Variants in TRIM49B observed in about 807,000 individuals in gnomAD.
TRIM49B encodes the protein tripartite motif containing 49B, also known as putative tripartite motif-containing protein 49B.
Under a neutral mutation model 31.8 loss-of-function variants are expected in TRIM49B, and 18 were observed. That is an observed-to-expected ratio of 0.57 (90% CI 0.39 to 0.84). The LOEUF is 0.84. Among genes scored for constraint, TRIM49B ranks in the 40% least tolerant of loss-of-function variants. The pLI is 0.00. For synonymous variants in TRIM49B, 196 were observed against 180.6 expected (o/e 1.09, Z -0.68); for missense variants, 494 against 538.7 (o/e 0.92, Z 0.82).
In TRIM49B at chr11:49,036,287, G is replaced by A. The variant is rs7118470; in HGVS notation, c.762-14G>A. On this transcript the variant is annotated splice_polypyrimidine_tract_variant and intron_variant, in intron 5 of 6. Transcript: ENST00000332682. ...ATGGCTGTAGATGTTGTAACTGCAG[G>A]TTTTTCCTTGCAGGAGTGAGTCCGT... The A allele has an allele frequency of 3.4e-3, 5,307 of 1,545,018 alleles. 145 individuals are homozygous for A. In the African/African-American group the frequency reaches 0.066, roughly 19 times the overall value.
chr11:49,035,688 C>T (rs533166442), intron 5 of TRIM49B, among the ~76,000 whole-genome samples: 1 of 152,134 alleles, frequency 6.6e-6, no homozygotes, highest in Admixed American at 6.5e-5. Context: ...TGAAAGCCTG[C>T]ACAGGAGAAA....
intron 1 of TRIM49B, among the ~76,000 whole-genome samples, 187 bp from the exon 2 acceptor site, chr11:49,031,409 T>C (rs1002994524): frequency 2.0e-5 from 3 of 152,204 alleles, no homozygotes; most frequent in Non-Finnish European, 4.4e-5. Flanking sequence ...TAGTTAGTAA[T>C]ATCTGTTATA....
intron 1 of TRIM49B, among the ~76,000 whole-genome samples, chr11:49,029,324 G>A (rs971089566): frequency 1.3e-5 from 2 of 152,092 alleles, no homozygotes; most frequent in African/African-American, 4.8e-5. Flanking sequence ...AATGAATGAT[G>A]AGGTTATTTG....
At chr11:49,032,087 A>G in intron 2 of TRIM49B, 77 bp downstream of exon 2, 1 of 1,609,442 alleles carries the variant, frequency 6.2e-7, no homozygotes, top group South Asian at 1.1e-5. Context: ...TGGAGATTGG[A>G]TAAAACAAAC....
At position 49,034,318 on chromosome 11, in the gene TRIM49B, G is replaced by T; in HGVS notation, c.680G>T (p.Arg227Ile). Residue 227 changes from arginine (R) to isoleucine (I), a missense_variant, in exon 4 of 7, where the codon AGA becomes ATA. Arg to Ile is a moderately conservative substitution (Grantham distance 97). Around this residue, in one of 3 missense-constraint regions of TRIM49B, gnomAD observed 233 missense variants for 281.4 expected, o/e 0.83. Transcript: ENST00000332682. ...ATGGCTCATAGGAGGGAGATTTTAA[G>T]AGGAATGTATGAGGAGCTGAACGAA... is the stretch of plus-strand genomic sequence containing the variant. ...AKMAHRREIL[R>I]GMYEELNEMC... 1 of 1,611,990 alleles carries T rather than the reference G, an allele frequency of 6.2e-7. No individual in the cohort carries two copies. The highest frequency in any genetic ancestry group is 8.5e-7 in the Non-Finnish European group (1 of 1,179,834).
rs1192805924 is a variant in TRIM49B, at chr11:49,032,151, G to A, written c.412-125G>A. The stretch of plus-strand genomic sequence containing the variant: ...GGCTTTCTTAGCTTCCAACCTCTGG[G>A]CTTTGACAAACATGAAGGGAAACAA... On this transcript the variant is annotated intron_variant, in intron 2 of 6. Coordinates refer to ENST00000332682, the MANE Select transcript of TRIM49B (RefSeq NM_001206626.2). 7 of 1,593,392 alleles carry A rather than the reference G, an allele frequency of 4.4e-6. No individual in the cohort carries two copies. In the African/African-American group the frequency reaches 5.4e-5, roughly 12 times the overall value.
intron 4 of TRIM49B, 48 bp downstream of exon 4, chr11:49,034,424 A>G (rs763675972): frequency 6.2e-7 from 1 of 1,611,858 alleles, no homozygotes; most frequent in Non-Finnish European, 8.5e-7. Context: ...TCACATGTAT[A>G]AGTATTTTCC....
intron 5 of TRIM49B, 87 bp from the exon 6 acceptor site, chr11:49,036,214 T>G (rs941638415): frequency 4.4e-6 from 7 of 1,584,080 alleles, no homozygotes; most frequent in Non-Finnish European, 6.0e-6. Flanking sequence ...ATTCAAAGGA[T>G]TCTCATGAAA....
intron 6 of TRIM49B, 52 bp from the exon 7 acceptor site, chr11:49,037,426 A>G (rs947519369): frequency 1.9e-6 from 3 of 1,541,226 alleles, no homozygotes; most frequent in Non-Finnish European, 1.7e-6. Flanking sequence ...TTGATAGACA[A>G]TTATTTTTTT....
intron 3 of TRIM49B, among the ~76,000 whole-genome samples, chr11:49,033,670 C>T (rs1316139619): frequency 6.6e-6 from 1 of 152,078 alleles, no homozygotes; most frequent in Non-Finnish European, 1.5e-5. Context: ...CAAAGATGGC[C>T]AAATCATAAA....
At chr11:49,035,638 G>A (rs906864906) in intron 5 of TRIM49B, among the ~76,000 whole-genome samples, 12 of 152,024 alleles carry the variant, frequency 7.9e-5, no homozygotes, top group Non-Finnish European at 1.5e-4. Context: ...GATTACAGGC[G>A]TGAACCACCG....
Position 49,033,775 on chromosome 11 carries a change from T to C in TRIM49B, c.508-371T>C, listed in dbSNP as rs1281360398. ...TTACACATAATGAGTTTAAGCAACC[T>C]GTTGCATATCTCAGAAATAGAAATA... is the stretch of plus-strand genomic sequence containing the variant. On this transcript the variant is annotated intron_variant, in intron 3 of 6. Coordinates refer to ENST00000332682, the MANE Select transcript of TRIM49B (RefSeq NM_001206626.2). Among the ~76,000 whole-genome samples, 3 of 152,318 alleles carry C rather than the reference T, an allele frequency of 2.0e-5. No homozygotes were observed. In the East Asian group the frequency reaches 5.8e-4, roughly 29 times the overall value.
intron 3 of TRIM49B, among the ~76,000 whole-genome samples, chr11:49,032,718 A>G (rs1854470081): frequency 6.6e-6 from 1 of 152,082 alleles, no homozygotes; most frequent in African/African-American, 2.4e-5. Context: ...TTTGGCAGTC[A>G]TGGAATGCTC....
In TRIM49B at chr11:49,031,931, T is replaced by C. The variant is rs759725956; in HGVS notation, c.332T>C (p.Leu111Pro). The C allele has an allele frequency of 5.0e-6, 8 of 1,612,118 alleles. No individual in the cohort carries two copies. The highest frequency in any genetic ancestry group is 5.9e-6 in the Non-Finnish European group (7 of 1,179,860). Residue 111 changes from leucine to proline, a missense_variant, in exon 2 of 7, where the codon CTC becomes CCC. Physicochemically the swap from Leu to Pro is moderately conservative, Grantham distance 98 (BLOSUM62 -3). Coordinates refer to ENST00000332682, the MANE Select transcript of TRIM49B (RefSeq NM_001206626.2). ...TTCTGTGAAGTGGACAGGAGCCTGCTCTGTTTGCTGTGCTCCAGCTCTCAG... is the reference window on the plus strand; with the variant it reads ...TTCTGTGAAGTGGACAGGAGCCTGCCCTGTTTGCTGTGCTCCAGCTCTCAG... The part of the protein sequence containing the change: ...KMFCEVDRSL[L>P]CLLCSSSQEH...
intron 5 of TRIM49B, among the ~76,000 whole-genome samples, chr11:49,035,491 C>T (rs1293135589): frequency 6.6e-6 from 1 of 151,458 alleles, no homozygotes; most frequent in Non-Finnish European, 1.5e-5. Context: ...TCCCGAGTAC[C>T]GGGGACTACA....
chr11:49,029,995 C>T (rs1047474038), intron 1 of TRIM49B, among the ~76,000 whole-genome samples: 1 of 152,158 alleles, frequency 6.6e-6, no homozygotes, highest in African/African-American at 2.4e-5. Flanking sequence ...GTGTAGTAGG[C>T]TATACCATCT....
rs1369922422 is a variant in TRIM49B at position 49,036,356 on chromosome 11, G to C, written c.817G>C (p.Gly273Arg). 9 of 1,579,084 alleles carry C rather than the reference G, an allele frequency of 5.7e-6. No homozygotes were observed. The highest frequency in any genetic ancestry group is 1.4e-5 in the African/African-American group (1 of 73,576). Residue 273 changes from glycine (G) to arginine (R), a missense_variant, in exon 6 of 7, where the codon GGG (glycine) becomes CGG (arginine). By Grantham distance (125) the Gly-to-Arg change is moderately radical. Around this residue, in one of 3 missense-constraint regions of TRIM49B, gnomAD observed 233 missense variants for 281.4 expected, o/e 0.83. Transcript: ENST00000332682. ...GCCTCTGAATCCAGAGCTCAGTGCAGGGCCCATCACTGGACTGAGGGACAG... is the reference window on the plus strand; with the variant it reads ...GCCTCTGAATCCAGAGCTCAGTGCACGGCCCATCACTGGACTGAGGGACAG... Reference protein sequence around the residue: ...PQPLNPELSAGPITGLRDRLN... With the variant: ...PQPLNPELSARPITGLRDRLN...
intron 1 of TRIM49B, 57 bp from the exon 2 acceptor site, chr11:49,031,539 T>C: frequency 6.3e-7 from 1 of 1,595,834 alleles, no homozygotes; most frequent in South Asian, 1.1e-5. Flanking sequence ...CTCCACATGT[T>C]TAGAAGCTTT....
chr11:49,033,843 T>C, intron 3 of TRIM49B, among the ~76,000 whole-genome samples: 1 of 152,254 alleles, frequency 6.6e-6, no homozygotes, highest in African/African-American at 2.4e-5. Context: ...CTCCAACTCT[T>C]AAGCATGAAC....
Sources: gnomAD v4.1 joint callset for allele counts (sites outside exome capture counted in the v4.1 genomes callset) on GRCh38, gnomAD v4.1.1 for gene constraint, gnomAD v4.1.1 regional missense constraint, MANE v1.5 for transcripts, NCBI Gene and HGNC (gene_info 2026-07-23, HGNC 2026-07-21) for gene names.